Variants in CYP4Z1 observed in about 807,000 individuals in gnomAD.
CYP4Z1 encodes cytochrome P450 4Z1.
A neutral mutation model predicts 54.2 loss-of-function variants in CYP4Z1; 41 were observed. The observed-to-expected ratio is 0.76, with a 90% CI of 0.59 to 0.98. The LOEUF (loss-of-function observed/expected upper bound fraction) is 0.98, where lower values mean the gene tolerates loss of function less well. CYP4Z1 is among the 50% of genes least tolerant of loss of function. CYP4Z1 has a pLI of 0.00. For synonymous variants in CYP4Z1, 163 were observed against 206.2 expected, an observed-to-expected ratio of 0.79 and a Z score of 1.79; for missense variants, 513 against 599.0, an observed-to-expected ratio of 0.86 and a Z score of 1.50.
chr1:47,113,801 C>G (rs1248163125), intron 9 of CYP4Z1, among the ~76,000 whole-genome samples: 1 of 152,068 alleles, frequency 6.6e-6, no homozygotes, highest in Non-Finnish European at 1.5e-5. Flanking sequence ...AAAGAGGATA[C>G]AAACAAATGG....
intron 8 of CYP4Z1, among the ~76,000 whole-genome samples, chr1:47,102,634 T>C (rs1644729299): frequency 1.3e-5 from 2 of 152,172 alleles, no homozygotes; most frequent in South Asian, 4.1e-4. Context: ...GCACTTCAAA[T>C]GTATCATCCC....
intron 3 of CYP4Z1, among the ~76,000 whole-genome samples, chr1:47,082,124 C>A (rs1644559111): frequency 6.6e-6 from 1 of 151,694 alleles, no homozygotes; most frequent in Non-Finnish European, 1.5e-5. Context: ...ATAGGATGGA[C>A]CTTTTTTTGA....
chr1:47,083,347 CAT>C (rs1216401546), intron 4 of CYP4Z1, among the ~76,000 whole-genome samples: 1 of 152,216 alleles, frequency 6.6e-6, no homozygotes, highest in Non-Finnish European at 1.5e-5. Flanking sequence ...CAAAGCAAAA[CAT>C]ATAAATATAG....
chr1:47,063,452 C>A (rs1355059466), upstream of CYP4Z1, among the ~76,000 whole-genome samples: 1 of 151,366 alleles, frequency 6.6e-6, no homozygotes, highest in Non-Finnish European at 1.5e-5. Context: ...CAAGGAGGCA[C>A]CAGAGAAAGG....
chr1:47,102,910 T>C (rs1157143204), intron 8 of CYP4Z1, among the ~76,000 whole-genome samples: 1 of 152,208 alleles, frequency 6.6e-6, no homozygotes, highest in Non-Finnish European at 1.5e-5. Context: ...TTTTATTAAA[T>C]GGGTTTTCTA....
At chr1:47,074,104 T>G (rs941896299) in intron 2 of CYP4Z1, among the ~76,000 whole-genome samples, 3 of 152,240 alleles carry the variant, frequency 2.0e-5, no homozygotes, top group African/African-American at 7.2e-5. Flanking sequence ...TTTAGTCCTT[T>G]TTTTGGGTGA....
In CYP4Z1 at chr1:47,097,749, T is replaced by G. The variant is rs566448535; in HGVS notation, c.877-1345T>G. On this transcript the variant is annotated intron_variant, in intron 7 of 11. Transcript: ENST00000334194. ...TTTGGAGAGGCCTCCAGCTTTGGTT[T>G]GTTTGTTTGTTTGTTTGTTTGTTTT... is the stretch of plus-strand genomic sequence containing the variant. Among the ~76,000 whole-genome samples the G allele has an allele frequency of 5.2e-4, 79 of 151,904 alleles. 2 individuals are homozygous for G. Among genetic ancestry groups the G allele is most frequent in the Admixed American group, 2.4e-3 (37 of 15,216 alleles).
At chr1:47,056,852 T>C in the CYP4Z1 span, among the ~76,000 whole-genome samples, 1 of 152,118 alleles carries the variant, frequency 6.6e-6, no homozygotes, top group Non-Finnish European at 1.5e-5. Flanking sequence ...TACAGCACAC[T>C]GATGTCTTGA....
upstream of CYP4Z1, among the ~76,000 whole-genome samples, chr1:47,066,290 A>G (rs1397427043): frequency 6.6e-6 from 1 of 152,224 alleles, no homozygotes; most frequent in Non-Finnish European, 1.5e-5. Flanking sequence ...TCAATCAAAT[A>G]CTAGTGAACT....
In CYP4Z1 at chr1:47,106,167, C is replaced by T. The variant is rs147047875; in HGVS notation, c.1107C>T (p.Ile369=). The part of the protein sequence containing the change: ...LSQMPYTTMC[I]KECLRLYAPV... ...AGATGCCTTACACCACGATGTGCAT[C>T]AAGGAATGCCTCCGCCTCTACGCAC... is the stretch of plus-strand genomic sequence containing the variant. Residue 369 remains isoleucine, a synonymous_variant, in exon 9 of 12, where the codon ATC becomes ATT. Transcript: ENST00000334194. The T allele has an allele frequency of 1.9e-5, 30 of 1,614,052 alleles. No individual in the cohort carries two copies. In the African/African-American group the frequency reaches 3.1e-4, roughly 16 times the overall value.
At chr1:47,095,816 C>T (rs886749504) in intron 7 of CYP4Z1, among the ~76,000 whole-genome samples, 74 of 152,300 alleles carry the variant, frequency 4.9e-4, no homozygotes, top group East Asian at 1.9e-4. Flanking sequence ...CAAATGGCAC[C>T]ATGTGAACAT....
chr1:47,068,055 A>G (rs1193744755), intron 1 of CYP4Z1, among the ~76,000 whole-genome samples: 2 of 152,216 alleles, frequency 1.3e-5, no homozygotes, highest in African/African-American at 4.8e-5. Flanking sequence ...ATGAAGCTGG[A>G]AATAGGAAAA....
intron 7 of CYP4Z1, among the ~76,000 whole-genome samples, chr1:47,094,918 G>A (rs530647708): frequency 2.6e-5 from 4 of 152,244 alleles, no homozygotes; most frequent in South Asian, 2.1e-4. Flanking sequence ...TGAGGTGGGA[G>A]AGTCGTTTGA....
intron 6 of CYP4Z1, among the ~76,000 whole-genome samples, chr1:47,089,796 C>T (rs140468689): frequency 0.036 from 5,057 of 139,534 alleles, no homozygotes; most frequent in East Asian, 0.088. Flanking sequence ...CTTTCTCCCA[C>T]ACAACGCCCC....
At chr1:47,106,495 G>C (rs1399713804) in intron 9 of CYP4Z1, among the ~76,000 whole-genome samples, 2 of 151,980 alleles carry the variant, frequency 1.3e-5, no homozygotes, top group African/African-American at 4.8e-5. Context: ...GTTGGGTGAG[G>C]GGGCCTTCGT....
chr1:47,104,113 G>A (rs1412165625), intron 8 of CYP4Z1, among the ~76,000 whole-genome samples: 3 of 152,162 alleles, frequency 2.0e-5, no homozygotes, highest in Non-Finnish European at 2.9e-5. Flanking sequence ...TCATAGGGGA[G>A]GACTTTTCCT....
intron 9 of CYP4Z1, among the ~76,000 whole-genome samples, chr1:47,113,347 C>G (rs1252654120): frequency 6.6e-6 from 1 of 152,170 alleles, no homozygotes; most frequent in African/African-American, 2.4e-5. Context: ...TTGCATACAT[C>G]CAAAGGCTCT....
intron 10 of CYP4Z1, 123 bp from the exon 11 acceptor site, chr1:47,116,527 G>A: frequency 1.7e-6 from 1 of 597,150 alleles, no homozygotes; most frequent in Middle Eastern, 3.5e-4. Flanking sequence ...GACATTGTAA[G>A]TTCCTAAAAT....
chr1:47,066,491 T>A (rs375968776), upstream of CYP4Z1, among the ~76,000 whole-genome samples: 278 of 151,982 alleles, frequency 1.8e-3, no homozygotes, highest in South Asian at 0.015. Context: ...AAAACTCTCA[T>A]CAACAAAACT....
Sources: gnomAD v4.1 joint callset for allele counts (sites outside exome capture counted in the v4.1 genomes callset) on GRCh38, gnomAD v4.1.1 for gene constraint, MANE v1.5 for transcripts, NCBI Gene and HGNC (gene_info 2026-07-23, HGNC 2026-07-21) for gene names.